The following MDGA2 variants were observed in gnomAD, a reference collection of about 807,000 sequenced individuals.
MDGA2 encodes MAM domain-containing glycosylphosphatidylinositol anchor protein 2.
Under a neutral mutation model 117.8 loss-of-function variants are expected in MDGA2, and 40 were observed. That is an observed-to-expected ratio of 0.34 (90% CI 0.26 to 0.44). The LOEUF (loss-of-function observed/expected upper bound fraction) is 0.44. Ranked by LOEUF, MDGA2 falls within the 20% of genes least tolerant of loss-of-function variation. The probability of loss-of-function intolerance (pLI) is 1.00; values close to 1 mark genes in which losing one functional copy is unlikely to be tolerated. For synonymous variants in MDGA2, 452 were observed against 439.0 expected (o/e 1.03, Z -0.37); for missense variants, 1,123 against 1,250.6 (o/e 0.90, Z 1.54).
chr14:47,641,037 A>G (rs964728846), intron 1 of MDGA2, among the ~76,000 whole-genome samples: 1 of 152,044 alleles, frequency 6.6e-6, no homozygotes, highest in African/African-American at 2.4e-5. Flanking sequence ...TAGCTCCTCA[A>G]TGGCAAGAAG....
At chr14:47,525,739 T>G (rs11851305) in intron 1 of MDGA2, among the ~76,000 whole-genome samples, 1 of 149,996 alleles carries the variant, frequency 6.7e-6, no homozygotes. Flanking sequence ...TTTTTTTTTT[T>G]TCTCTCTCTC....
intron 1 of MDGA2, among the ~76,000 whole-genome samples, chr14:47,468,128 G>C (rs540987744): frequency 2.6e-5 from 4 of 152,104 alleles, no homozygotes; most frequent in Admixed American, 2.0e-4. Flanking sequence ...TCAGTACAGT[G>C]TTGCAATCCT....
At chr14:46,869,203 T>C (rs1193859979) in intron 14 of MDGA2, among the ~76,000 whole-genome samples, 1 of 152,028 alleles carries the variant, frequency 6.6e-6, no homozygotes, top group Non-Finnish European at 1.5e-5. Flanking sequence ...ACCATTCGTA[T>C]CAAGTACAAT....
intron 3 of MDGA2, among the ~76,000 whole-genome samples, chr14:47,183,156 G>T (rs760233934): frequency 6.6e-6 from 1 of 152,056 alleles, no homozygotes; most frequent in African/African-American, 2.4e-5. Context: ...CCAGGGAACT[G>T]TATCATCATC....
intron 10 of MDGA2, among the ~76,000 whole-genome samples, chr14:46,917,420 A>G (rs1446185632): frequency 6.6e-6 from 1 of 152,200 alleles, no homozygotes; most frequent in Non-Finnish European, 1.5e-5. Context: ...AATCCACTTC[A>G]TATTCCAATT....
intron 6 of MDGA2, among the ~76,000 whole-genome samples, chr14:47,065,010 C>G (rs1280603101): frequency 6.6e-6 from 1 of 152,006 alleles, no homozygotes; most frequent in African/African-American, 2.4e-5. Context: ...TGCAATTTCT[C>G]AGTCTGAATA....
intron 1 of MDGA2, among the ~76,000 whole-genome samples, chr14:47,383,908 AT>A (rs1166019421): frequency 1.3e-5 from 2 of 152,082 alleles, no homozygotes; most frequent in Admixed American, 1.3e-4. Context: ...AGACAAAAAA[AT>A]TGTCATCTAT....
intron 1 of MDGA2, among the ~76,000 whole-genome samples, chr14:47,463,828 T>C (rs1254594734): frequency 6.6e-6 from 1 of 152,128 alleles, no homozygotes; most frequent in Non-Finnish European, 1.5e-5. Flanking sequence ...TTGATTGCTT[T>C]CCTATAATAA....
intron 2 of MDGA2, among the ~76,000 whole-genome samples, chr14:47,236,242 G>A (rs1028117862): frequency 3.1e-5 from 4 of 129,824 alleles, no homozygotes; most frequent in Admixed American, 9.1e-5. Flanking sequence ...AGTGAGCCGA[G>A]ATTGGGCCAC....
intron 8 of MDGA2, among the ~76,000 whole-genome samples, chr14:46,972,765 C>T (rs181057403): frequency 2.0e-5 from 3 of 152,152 alleles, no homozygotes; most frequent in Admixed American, 2.0e-4. Context: ...AAAGAAGTAA[C>T]TTTTAAGCGG....
chr14:47,316,450 T>A (rs2139859539), intron 1 of MDGA2, among the ~76,000 whole-genome samples: 1 of 152,182 alleles, frequency 6.6e-6, no homozygotes, highest in Admixed American at 6.5e-5. Flanking sequence ...GGTCAGTTCA[T>A]CAAATAAATG....
intron 1 of MDGA2, among the ~76,000 whole-genome samples, chr14:47,623,774 A>G (rs183298964): frequency 6.6e-6 from 1 of 152,348 alleles, no homozygotes; most frequent in Admixed American, 6.5e-5. Flanking sequence ...GTAATGGATT[A>G]TAATTAAAAC....
At chr14:47,568,597 C>G (rs185914663) in intron 1 of MDGA2, among the ~76,000 whole-genome samples, 1 of 152,150 alleles carries the variant, frequency 6.6e-6, no homozygotes, top group Non-Finnish European at 1.5e-5. Flanking sequence ...TTGCCCCAAA[C>G]ACTATTAAGC....
At chr14:47,328,563 T>C (rs2139902050) in intron 1 of MDGA2, among the ~76,000 whole-genome samples, 1 of 152,294 alleles carries the variant, frequency 6.6e-6, no homozygotes, top group African/African-American at 2.4e-5. Context: ...GCTCACAGCC[T>C]GTACTCTTGG....
intron 1 of MDGA2, among the ~76,000 whole-genome samples, chr14:47,382,124 A>G (rs1891644887): frequency 6.6e-6 from 1 of 152,188 alleles, no homozygotes; most frequent in African/African-American, 2.4e-5. Flanking sequence ...TATTTAATAA[A>G]TGATGCTGGG....
chr14:47,247,555 G>A (rs922438960), intron 2 of MDGA2, among the ~76,000 whole-genome samples: 8 of 151,146 alleles, frequency 5.3e-5, no homozygotes, highest in Non-Finnish European at 1.2e-4. Flanking sequence ...TGCCCACCTG[G>A]GCCTCCCAAA....
chr14:47,614,980 C>G (rs996300897), intron 1 of MDGA2, among the ~76,000 whole-genome samples: 1 of 152,000 alleles, frequency 6.6e-6, no homozygotes, highest in African/African-American at 2.4e-5. Context: ...ATTTGGCAGT[C>G]ACAAAGTAGA....
chr14:47,486,203 A>C (rs1894057564), intron 1 of MDGA2, among the ~76,000 whole-genome samples: 1 of 152,214 alleles, frequency 6.6e-6, no homozygotes, highest in Non-Finnish European at 1.5e-5. Context: ...CACCTCTTGC[A>C]TCAGCATGAC....
chr14:47,499,296 C>A (rs1894349309), intron 1 of MDGA2, among the ~76,000 whole-genome samples: 1 of 152,074 alleles, frequency 6.6e-6, no homozygotes, highest in Non-Finnish European at 1.5e-5. Flanking sequence ...ATCAATACTC[C>A]AGGATTTGCT....
Sources: allele counts gnomAD v4.1 joint callset (sites outside exome capture counted in the v4.1 genomes callset), GRCh38; gene constraint gnomAD v4.1.1; transcripts MANE v1.5; gene names NCBI Gene and HGNC (gene_info 2026-07-23, HGNC 2026-07-21).